Variants in AFG2A observed in about 807,000 individuals in gnomAD.
AFG2A encodes the protein ATPase family gene 2 protein homolog A.
At chr4:123,234,119 T>C in the AFG2A span, among the ~76,000 whole-genome samples, 1 of 152,258 alleles carries the variant, frequency 6.6e-6, no homozygotes, top group East Asian at 1.9e-4. Flanking sequence ...GATAAAAGCA[T>C]ATTTGTCTTG....
At chr4:122,944,509 G>A in the AFG2A span, among the ~76,000 whole-genome samples, 11 of 152,236 alleles carry the variant, frequency 7.2e-5, no homozygotes, top group South Asian at 1.2e-3. Context: ...GCACTTCTCT[G>A]TATTGGTTAT....
At chr4:123,299,053 A>G in the AFG2A span, among the ~76,000 whole-genome samples, 38 of 152,252 alleles carry the variant, frequency 2.5e-4, no homozygotes, top group African/African-American at 8.2e-4. Context: ...GGCAACATGT[A>G]CATCACATTT....
the AFG2A span, among the ~76,000 whole-genome samples, chr4:122,962,060 C>T: frequency 3.3e-5 from 5 of 152,212 alleles, no homozygotes; most frequent in African/African-American, 1.2e-4. Flanking sequence ...ATTAGATTCT[C>T]ATAAGGAGCA....
the AFG2A span, among the ~76,000 whole-genome samples, chr4:123,311,380 G>C: frequency 8.5e-5 from 13 of 152,064 alleles, no homozygotes; most frequent in Admixed American, 5.2e-4. Flanking sequence ...GTAATCCCAG[G>C]ACTTTGAGAG....
At chr4:123,014,599 G>A in the AFG2A span, among the ~76,000 whole-genome samples, 3 of 152,014 alleles carry the variant, frequency 2.0e-5, no homozygotes, top group African/African-American at 7.2e-5. Context: ...TGATTGTAAT[G>A]TAATTATATT....
chr4:123,164,790 A>G, the AFG2A span, among the ~76,000 whole-genome samples: 1 of 152,172 alleles, frequency 6.6e-6, no homozygotes, highest in Non-Finnish European at 1.5e-5. Context: ...AAATCATTTC[A>G]TGTAAAAAAC....
chr4:123,053,544 T>C, the AFG2A span, among the ~76,000 whole-genome samples: 3 of 152,212 alleles, frequency 2.0e-5, no homozygotes, highest in Non-Finnish European at 2.9e-5. Context: ...CAGCTGGTCA[T>C]TGCAAAAGTG....
the AFG2A span, among the ~76,000 whole-genome samples, chr4:122,991,493 T>G: frequency 2.5e-4 from 38 of 152,210 alleles, no homozygotes; most frequent in Non-Finnish European, 4.0e-4. Context: ...CAATTGAAGT[T>G]TGTCCACACC....
chr4:123,200,146 A>G, the AFG2A span, among the ~76,000 whole-genome samples: 1 of 152,226 alleles, frequency 6.6e-6, no homozygotes. Flanking sequence ...GGTAAGAGGT[A>G]TGGCAATTCA....
the AFG2A span, among the ~76,000 whole-genome samples, chr4:123,167,924 G>T: frequency 6.6e-6 from 1 of 152,170 alleles, no homozygotes; most frequent in East Asian, 1.9e-4. Context: ...TTAAGCATAT[G>T]AAATATCTTG....
At chr4:123,046,854 A>G in the AFG2A span, among the ~76,000 whole-genome samples, 1 of 152,132 alleles carries the variant, frequency 6.6e-6, no homozygotes, top group South Asian at 2.1e-4. Context: ...TGAGATCCAC[A>G]TTTTTAGCTT....
the AFG2A span, among the ~76,000 whole-genome samples, chr4:122,959,446 G>T: frequency 6.6e-6 from 1 of 152,332 alleles, no homozygotes; most frequent in South Asian, 2.1e-4. Context: ...ATACAAGTAA[G>T]AGTACAGACA....
chr4:123,146,839 G>T, the AFG2A span, among the ~76,000 whole-genome samples: 1 of 152,104 alleles, frequency 6.6e-6, no homozygotes, highest in Admixed American at 6.5e-5. Flanking sequence ...CAGGGTTTGA[G>T]TTCGTTGCAG....
the AFG2A span, among the ~76,000 whole-genome samples, chr4:123,176,687 A>G: frequency 8.5e-5 from 13 of 152,294 alleles, no homozygotes; most frequent in African/African-American, 3.1e-4. Context: ...GACCAATGTG[A>G]TAGTGTGCTA....
the AFG2A span, chr4:123,316,452 T>G: frequency 6.6e-6 from 1 of 152,184 alleles, no homozygotes; most frequent in Admixed American, 6.5e-5. Context: ...ACTTCCATAT[T>G]GAAATAAATA....
the AFG2A span, chr4:123,314,035 C>G: frequency 3.7e-6 from 6 of 1,608,954 alleles, no homozygotes; most frequent in Non-Finnish European, 5.1e-6. Context: ...TGAAGATTAT[C>G]AAGAGAAGAG....
the AFG2A span, among the ~76,000 whole-genome samples, chr4:123,050,977 G>T: frequency 6.6e-6 from 1 of 151,976 alleles, no homozygotes; most frequent in African/African-American, 2.4e-5. Flanking sequence ...CTGACCTAGC[G>T]ATCCATCCCA....
the AFG2A span, among the ~76,000 whole-genome samples, chr4:123,246,250 A>G: frequency 2.0e-5 from 3 of 152,194 alleles, no homozygotes; most frequent in African/African-American, 4.8e-5. Context: ...TTATACTTCA[A>G]AGACATCTCT....
At chr4:123,244,675 T>C in the AFG2A span, among the ~76,000 whole-genome samples, 1 of 152,246 alleles carries the variant, frequency 6.6e-6, no homozygotes, top group African/African-American at 2.4e-5. Flanking sequence ...TTGTAGTATA[T>C]ATCAGAAGAC....
Sources: gnomAD v4.1 joint callset for allele counts (sites outside exome capture counted in the v4.1 genomes callset) on GRCh38, gnomAD v4.1.1 for gene constraint, MANE v1.5 for transcripts, NCBI Gene and HGNC (gene_info 2026-07-23, HGNC 2026-07-21) for gene names.